The following AVEN variants were observed in gnomAD, a reference collection of about 807,000 sequenced individuals.
AVEN encodes the protein apoptosis and caspase activation inhibitor.
Under a neutral mutation model 38.1 loss-of-function variants are expected in AVEN, and 41 were observed. That is an observed-to-expected ratio of 1.08 (90% CI 0.84 to 1.40). The LOEUF (loss-of-function observed/expected upper bound fraction) is 1.40. Ranked by LOEUF, AVEN falls within the 40% of genes most tolerant of loss-of-function variation. The pLI, the probability that AVEN is intolerant of heterozygous loss-of-function variation, is 0.00. For synonymous variants in AVEN, 206 were observed against 171.8 expected, an observed-to-expected ratio of 1.20 and a Z score of -1.56; for missense variants, 605 against 438.8, an observed-to-expected ratio of 1.38 and a Z score of -3.38.
chr15:33,857,287 C>T (rs141101481), downstream of AVEN, among the ~76,000 whole-genome samples: 1,605 of 152,118 alleles, frequency 0.011, 39 homozygotes, highest in African/African-American at 0.036. Context: ...CTCTCTGTGG[C>T]TGTAGACAGC....
chr15:33,875,841 A>C (rs991305228), intron 3 of AVEN, 84 bp downstream of exon 3: 3 of 1,295,112 alleles, frequency 2.3e-6, no homozygotes, highest in Non-Finnish European at 2.2e-6. Context: ...TTCTACATGA[A>C]GACTCTATCT....
At chr15:33,860,527 T>C (rs1377528062) in intron 11 of AVEN, 11 of 916,620 alleles carry the variant, frequency 1.2e-5, no homozygotes, top group South Asian at 2.1e-5. Context: ...AAGTAGCTTC[T>C]TCCTTTATCA....
intron 5 of AVEN, among the ~76,000 whole-genome samples, chr15:34,055,907 A>G (rs928034069): frequency 1.3e-5 from 2 of 152,224 alleles, no homozygotes; most frequent in African/African-American, 2.4e-5. Flanking sequence ...ATTCATATGC[A>G]TATTAAATTT....
At chr15:33,985,617 A>G (rs1020892295) in intron 2 of AVEN, among the ~76,000 whole-genome samples, 1 of 151,982 alleles carries the variant, frequency 6.6e-6, no homozygotes, top group African/African-American at 2.4e-5. Context: ...AGCTCTCCCA[A>G]CAATATTCTG....
intron 2 of AVEN, among the ~76,000 whole-genome samples, chr15:33,881,856 C>G (rs114422481): frequency 0.016 from 2,408 of 152,298 alleles, 70 homozygotes; most frequent in African/African-American, 0.054. Flanking sequence ...ACATACTAAA[C>G]ACATGGTGGA....
Position 33,866,437 on chromosome 15 carries a change from C to T in AVEN, c.*176G>A. On this transcript the variant is annotated 3_prime_UTR_variant, in exon 6 of 6. Coordinates refer to ENST00000306730, the MANE Select transcript of AVEN (RefSeq NM_020371.3). Reference sequence around the variant, plus strand: ...CCAGAAAAACAAATGCAACAAGCTGCTTCAATGTATTCTTTCAGATGTCAA... The same window carrying T: ...CCAGAAAAACAAATGCAACAAGCTGTTTCAATGTATTCTTTCAGATGTCAA... The T allele has an allele frequency of 8.4e-6, 5 of 594,358 alleles. No homozygotes were observed. Among genetic ancestry groups the T allele is most frequent in the Non-Finnish European group, 1.5e-5 (5 of 334,598 alleles). The allele number at this position is 594,358 out of a possible 1,614,324, so 36.8% of individuals were successfully genotyped here.
intron 1 of AVEN, among the ~76,000 whole-genome samples, chr15:34,012,621 G>A (rs1214429975): frequency 6.6e-6 from 1 of 152,116 alleles, no homozygotes; most frequent in Admixed American, 6.5e-5. Context: ...CGTAAGTCTG[G>A]TTTCCTTAGT....
intron 2 of AVEN, among the ~76,000 whole-genome samples, chr15:33,909,430 CAT>C (rs760814413): frequency 2.5e-4 from 38 of 152,306 alleles, no homozygotes; most frequent in South Asian, 2.3e-3. Context: ...CCAACAGTGA[CAT>C]GGGTTAATAC....
chr15:33,864,134 C>A (rs753389947), downstream of AVEN: 46 of 1,609,146 alleles, frequency 2.9e-5, no homozygotes, highest in Non-Finnish European at 1.9e-5. Flanking sequence ...TTTCCTCGTT[C>A]CAGGTTCTTT....
At chr15:34,040,664 G>A (rs1416569761), upstream of AVEN, among the ~76,000 whole-genome samples, 3 of 151,840 alleles carry the variant, frequency 2.0e-5, no homozygotes, top group Admixed American at 6.6e-5. Context: ...TGTGTGGTTC[G>A]TGCCTGTAAT....
At chr15:33,955,191 G>C (rs941507722) in intron 2 of AVEN, among the ~76,000 whole-genome samples, 3 of 152,034 alleles carry the variant, frequency 2.0e-5, no homozygotes, top group Admixed American at 1.3e-4. Flanking sequence ...TCTATTAGGT[G>C]TACTTTTTTC....
chr15:33,936,642 G>A (rs879589729), intron 2 of AVEN, among the ~76,000 whole-genome samples: 5 of 152,080 alleles, frequency 3.3e-5, no homozygotes, highest in Non-Finnish European at 7.4e-5. Flanking sequence ...TGTGTCTGTG[G>A]TGTGTGCATG....
intron 2 of AVEN, among the ~76,000 whole-genome samples, chr15:33,956,118 G>A (rs1311770522): frequency 6.6e-6 from 1 of 152,142 alleles, no homozygotes; most frequent in African/African-American, 2.4e-5. Flanking sequence ...GCGGTGACCA[G>A]CATTTGTAGT....
At chr15:34,070,365 CTTCT>C (rs778632501) in intron 2 of AVEN, among the ~76,000 whole-genome samples, 41 of 150,922 alleles carry the variant, frequency 2.7e-4, no homozygotes, top group East Asian at 1.4e-3. Flanking sequence ...TGGTTTATCC[CTTCT>C]TTGTTTCTTT....
intron 2 of AVEN, among the ~76,000 whole-genome samples, chr15:33,941,324 A>G (rs542148357): frequency 1.1e-4 from 16 of 152,226 alleles, no homozygotes; most frequent in African/African-American, 3.9e-4. Context: ...TGCTTCTGAC[A>G]CTGTACCATT....
intron 2 of AVEN, among the ~76,000 whole-genome samples, chr15:33,979,123 G>T (rs1156322509): frequency 1.3e-5 from 2 of 152,028 alleles, no homozygotes; most frequent in African/African-American, 4.8e-5. Context: ...ATATCAATTT[G>T]ATTATAGCTT....
chr15:33,978,685 A>AAT (rs1896001689), intron 2 of AVEN, among the ~76,000 whole-genome samples: 1 of 151,982 alleles, frequency 6.6e-6, no homozygotes, highest in Admixed American at 6.6e-5. Flanking sequence ...TAAATAAATA[A>AAT]AAATAAAAAT....
intron 11 of AVEN, chr15:33,861,148 C>T: frequency 1.3e-6 from 2 of 1,595,572 alleles, no homozygotes; most frequent in Non-Finnish European, 1.7e-6. Context: ...GAAACACATA[C>T]ATTACAAGAG....
intron 2 of AVEN, among the ~76,000 whole-genome samples, chr15:33,899,317 GGTA>G (rs767644295): frequency 6.6e-6 from 1 of 152,024 alleles, no homozygotes; most frequent in South Asian, 2.1e-4. Flanking sequence ...GCTACCATAT[GGTA>G]GTAGAACTAG....
Sources: allele counts gnomAD v4.1 joint callset (sites outside exome capture counted in the v4.1 genomes callset), GRCh38; gene constraint gnomAD v4.1.1; transcripts MANE v1.5; gene names NCBI Gene and HGNC (gene_info 2026-07-23, HGNC 2026-07-21).